The following ZBTB44 variants were observed in gnomAD, a reference collection of about 807,000 sequenced individuals.
The protein encoded by ZBTB44 is zinc finger and BTB domain-containing protein 44.
Under a neutral mutation model 54.0 loss-of-function variants are expected in ZBTB44, and 15 were observed. That is an observed-to-expected ratio of 0.28 (90% CI 0.19 to 0.43). The LOEUF is 0.43. Ranked by LOEUF, ZBTB44 falls within the 20% of genes least tolerant of loss-of-function variation. The pLI is 1.00. For synonymous variants in ZBTB44, 230 were observed against 250.1 expected (o/e 0.92, Z 0.76); for missense variants, 487 against 707.1 (o/e 0.69, Z 3.53).
chr11:130,297,472 G>C (rs1941719437), intron 1 of ZBTB44, among the ~76,000 whole-genome samples: 1 of 152,220 alleles, frequency 6.6e-6, no homozygotes, highest in Non-Finnish European at 1.5e-5. Context: ...GTATGGGGTT[G>C]AATTGGGTTC....
chr11:130,297,015 A>G, intron 1 of ZBTB44: 1 of 722,348 alleles, frequency 1.4e-6, no homozygotes, highest in Non-Finnish European at 2.5e-6. Flanking sequence ...CTTTAAACAC[A>G]TTAGCAAGAA....
rs1565659470 is a variant in ZBTB44, at chr11:130,261,223, A to G, written c.651T>C (p.Asn217=). 2.5e-6 allele frequency: 4 copies of G among 1,613,866 alleles called. No individual in the cohort carries two copies. Among genetic ancestry groups the G allele is most frequent in the Non-Finnish European group, 3.4e-6 (4 of 1,179,862 alleles). ...AGGAAGAGTCAACTGGTTGGTTTCT[A>G]TTTTCTGAGTAGGAAGCTGAAGAAT... ...VLNSSASYSE[N]RNQPVDSSLA... The change falls in exon 2 of 8, where the codon AAT becomes AAC. Residue 217 remains asparagine (N), a synonymous_variant. Coordinates refer to ENST00000357899, the MANE Select transcript of ZBTB44 (RefSeq NM_001301098.2). This position sits in a 1 kb window ranked among gnomAD's most constrained non-coding sequence, Gnocchi z 4.8.
intron 1 of ZBTB44, among the ~76,000 whole-genome samples, chr11:130,272,105 G>A (rs1278055894): frequency 2.0e-5 from 3 of 152,078 alleles, no homozygotes; most frequent in East Asian, 1.9e-4. Context: ...AGGGGTGGGC[G>A]CCTGTAATCC....
intron 2 of ZBTB44, among the ~76,000 whole-genome samples, chr11:130,253,662 TCAATGCCATCCCCATCAAGCTAC>T (rs1382496108): frequency 3.3e-5 from 5 of 152,158 alleles, no homozygotes; most frequent in Non-Finnish European, 7.4e-5. Flanking sequence ...ATTTATAGAT[TCAATGCCATCCCCATCAAGCTAC>T]CAATGACTTT....
chr11:130,238,410 T>G, intron 4 of ZBTB44, 34 bp downstream of exon 4: 1 of 1,571,682 alleles, frequency 6.4e-7, no homozygotes, highest in African/African-American at 1.4e-5. Flanking sequence ...TTTTAGAGCG[T>G]TCACTTACGC....
chr11:130,262,145 T>C (rs575907970), intron 1 of ZBTB44, among the ~76,000 whole-genome samples: 112 of 152,230 alleles, frequency 7.4e-4, no homozygotes, highest in Non-Finnish European at 1.2e-3. Context: ...TTTTTTTGTT[T>C]TGTTTTGTTT....
intron 6 of ZBTB44, chr11:130,233,668 T>C: frequency 7.9e-7 from 1 of 1,259,164 alleles, no homozygotes; most frequent in East Asian, 3.8e-5. Flanking sequence ...AATCATCTGA[T>C]TTCCTCTCTA....
In ZBTB44 at chr11:130,261,629, A is replaced by C; in HGVS notation, c.245T>G (p.Phe82Cys). 1 of 1,614,036 alleles carries C rather than the reference A, an allele frequency of 6.2e-7. No individual in the cohort carries two copies. The highest frequency in any genetic ancestry group is 8.5e-7 in the Non-Finnish European group (1 of 1,179,884). The change falls in exon 2 of 8, where the codon TTT becomes TGT. Residue 82 changes from phenylalanine (F) to cysteine (C), a missense_variant. Phe to Cys is a radical substitution (Grantham distance 205). Around this residue, in one of 3 missense-constraint regions of ZBTB44, gnomAD observed 90 missense variants for 160.3 expected, o/e 0.56. Transcript: ENST00000357899. The surrounding 1 kb of genome is among the most constrained non-coding windows in gnomAD (Gnocchi z 4.8). ...GTAAGCATATTCTAAAAGAGGTATA[A>C]AGCCAGTCACTGTAACATGATGCAG... ...LDLHHVTVTG[F>C]IPLLEYAYTA...
intron 1 of ZBTB44, among the ~76,000 whole-genome samples, chr11:130,267,327 T>C (rs753042598): frequency 6.6e-6 from 1 of 151,952 alleles, no homozygotes; most frequent in Non-Finnish European, 1.5e-5. Flanking sequence ...AAAGAAGCCA[T>C]CCTCATAGCA....
At chr11:130,272,753 A>G (rs1037900016) in intron 1 of ZBTB44, among the ~76,000 whole-genome samples, 9 of 147,204 alleles carry the variant, frequency 6.1e-5, no homozygotes, top group Non-Finnish European at 1.3e-4. Flanking sequence ...TATTTTTTGT[A>G]TATGGTCCCA....
At chr11:130,242,996 T>C (rs192381486) in intron 2 of ZBTB44, among the ~76,000 whole-genome samples, 2 of 152,346 alleles carry the variant, frequency 1.3e-5, no homozygotes, top group Non-Finnish European at 1.5e-5. Flanking sequence ...TTCTGTTGAG[T>C]GCAATGTGCT....
At chr11:130,294,538 C>CAAAAAAAAAAAAAAAAAAAAAAAAAA (rs11322495) in intron 1 of ZBTB44, among the ~76,000 whole-genome samples, 1 of 48,630 alleles carries the variant, frequency 2.1e-5, no homozygotes, top group East Asian at 8.8e-4. Flanking sequence ...TCTATATGAC[C>CAAAAAAAAAAAAAAAAAAAAAAAAAA]AAAAAAAAAA....
chr11:130,297,273 C>G (rs1327303587), intron 1 of ZBTB44, among the ~76,000 whole-genome samples: 1 of 152,104 alleles, frequency 6.6e-6, no homozygotes, highest in Non-Finnish European at 1.5e-5. Context: ...AAGAGCAGAG[C>G]AAGAATATTA....
At chr11:130,238,792 T>G in intron 3 of ZBTB44, 185 bp from the exon 4 acceptor site, 1 of 670,380 alleles carries the variant, frequency 1.5e-6, no homozygotes, top group Non-Finnish European at 2.3e-6. Flanking sequence ...GAATGCCTTT[T>G]GTTTTTTTTT....
chr11:130,265,529 G>C (rs908333203), intron 1 of ZBTB44, among the ~76,000 whole-genome samples: 1 of 152,154 alleles, frequency 6.6e-6, no homozygotes, highest in Non-Finnish European at 1.5e-5. Flanking sequence ...AGTGAGGAAG[G>C]CATGTTGAGA....
intron 1 of ZBTB44, among the ~76,000 whole-genome samples, chr11:130,284,595 G>A (rs890594823): frequency 1.1e-4 from 16 of 152,316 alleles, no homozygotes; most frequent in African/African-American, 3.6e-4. Flanking sequence ...TTGGCCAAGC[G>A]TGGTAGCTCA....
intron 1 of ZBTB44, among the ~76,000 whole-genome samples, chr11:130,304,797 A>C (rs1942180200): frequency 6.6e-6 from 1 of 152,154 alleles, no homozygotes; most frequent in South Asian, 2.1e-4. Flanking sequence ...ACCAAGCTGC[A>C]AAGGAGGAAG....
At chr11:130,281,969 T>C (rs1940559451) in intron 1 of ZBTB44, among the ~76,000 whole-genome samples, 1 of 152,098 alleles carries the variant, frequency 6.6e-6, no homozygotes, top group East Asian at 1.9e-4. Context: ...CCTATTTGCA[T>C]GAGCCCAGGA....
chr11:130,254,407 G>A (rs1305967697), intron 2 of ZBTB44, among the ~76,000 whole-genome samples: 1 of 152,162 alleles, frequency 6.6e-6, no homozygotes, highest in African/African-American at 2.4e-5. Flanking sequence ...ATCAGAAAGT[G>A]GGAGAAGGAT....
Sources: gnomAD v4.1 joint callset for allele counts (sites outside exome capture counted in the v4.1 genomes callset) on GRCh38, gnomAD v4.1.1 for gene constraint, gnomAD v4.1.1 regional missense constraint, Gnocchi (gnomAD v3.1) non-coding constraint, MANE v1.5 for transcripts, NCBI Gene and HGNC (gene_info 2026-07-23, HGNC 2026-07-21) for gene names.